The following NAV1 variants were observed in gnomAD, a reference collection of about 807,000 sequenced individuals.
NAV1 encodes pore membrane and/or filament interacting like protein 3.
In NAV1, 18 loss-of-function variants were observed where a neutral mutation model predicts 175.2. The observed-to-expected ratio is 0.10, with a 90% CI of 0.07 to 0.15. The LOEUF is 0.15. NAV1 is among the 10% of genes least tolerant of loss of function. The pLI is 1.00. For missense variants in NAV1, 1,731 were observed against 2,436.6 expected, an observed-to-expected ratio of 0.71 and a Z score of 6.10; for synonymous variants, 897 against 978.7, an observed-to-expected ratio of 0.92 and a Z score of 1.56.
chr1:201,786,417 T>G lies in NAV1; in HGVS notation c.2847-12T>G. ...CTAGTCCCAGACTGAGTTCTTCTGC[T>G]GCTTCCTACAGGTACCAGCTTCAGT... On this transcript the variant is annotated splice_polypyrimidine_tract_variant and intron_variant, in intron 8 of 29. Coordinates refer to ENST00000367296, the Ensembl canonical transcript of NAV1. The G allele has an allele frequency of 6.2e-7, 1 of 1,609,038 alleles. No homozygotes were observed. Among genetic ancestry groups the G allele is most frequent in the Non-Finnish European group, 8.5e-7 (1 of 1,177,212 alleles).
chr1:201,752,687 T>A (rs1431322275), intron 3 of NAV1, among the ~76,000 whole-genome samples: 3 of 151,934 alleles, frequency 2.0e-5, no homozygotes, highest in Non-Finnish European at 4.4e-5. Flanking sequence ...TGTTTAATTG[T>A]CAGGTTTGTT....
chr1:201,665,581 G>GAGCTATAGGTGGGCAGAT (rs373539469), intron 1 of NAV1, among the ~76,000 whole-genome samples: 1 of 143,976 alleles, frequency 6.9e-6, no homozygotes, highest in Non-Finnish European at 1.5e-5. Flanking sequence ...GTGAGGGCAA[G>GAGCTATAGGTGGGCAGAT]AGCACCCCAC....
intron 29 of NAV1, among the ~76,000 whole-genome samples, chr1:201,817,592 CAGAATCTGGGGTTATAA>C (rs2102836410): frequency 6.6e-6 from 1 of 152,236 alleles, no homozygotes; most frequent in East Asian, 1.9e-4. Flanking sequence ...CTCTAAATAT[CAGAATCTGGGGTTATAA>C]AGATCATATG....
chr1:201,663,336 T>C lies in NAV1; in HGVS notation c.757+13911T>C, dbSNP rs1486791830. Among the ~76,000 whole-genome samples, 14 of 152,170 alleles carry C rather than the reference T, an allele frequency of 9.2e-5. 1 individual carries two copies. In the East Asian group the frequency reaches 2.3e-3, roughly 25 times the overall value. ...AGATGTGGAGAAGATTATCAAAGGG[T>C]AGCACCTTATGTTCGAGCCCATGAC... On this transcript the variant is annotated intron_variant, in intron 1 of 29. Transcript: ENST00000367296.
intron 1 of NAV1, among the ~76,000 whole-genome samples, chr1:201,659,986 C>T (rs990109723): frequency 2.6e-5 from 4 of 152,130 alleles, no homozygotes; most frequent in Admixed American, 1.3e-4. Flanking sequence ...CCGTGGAGTC[C>T]AGGTGTCCCT....
At chr1:201,622,400 C>A (rs1032709757), upstream of NAV1, among the ~76,000 whole-genome samples, 9 of 152,114 alleles carry the variant, frequency 5.9e-5, no homozygotes, top group African/African-American at 2.2e-4. Context: ...CAGGGGTCAG[C>A]TGCAGTGATG....
exon 30 of NAV1, chr1:201,823,133 C>T (rs1404872169): frequency 6.5e-6 from 1 of 152,810 alleles, no homozygotes; most frequent in East Asian, 1.9e-4. Context: ...TCTCCAGCCC[C>T]CCAACTCCAT....
rs1485249150 is a variant in NAV1 at position 201,539,547 on chromosome 1, G to GGT, written c.-144+211_-144+212dup. Among the ~76,000 whole-genome samples, 1 of 152,164 alleles carries GGT rather than the reference G, an allele frequency of 6.6e-6. No individual in the cohort carries two copies. Among genetic ancestry groups the GGT allele is most frequent in the East Asian group, 1.9e-4 (1 of 5,166 alleles). On this transcript the variant is annotated intron_variant, in intron 1 of 33. Transcript: ENST00000685211. The surrounding 1 kb of genome is among the most constrained non-coding windows in gnomAD (Gnocchi z 5.6). Reference sequence around the variant, plus strand: ...CAAGATGCTCGCGGCTTCCCGGGAAGGTGTGTGCCCTTTCGACCCCTATGG... The same window carrying GGT: ...CAAGATGCTCGCGGCTTCCCGGGAAGGTGTGTGTGCCCTTTCGACCCCTATGG...
intron 1 of NAV1, among the ~76,000 whole-genome samples, chr1:201,545,950 C>T (rs1665659893): frequency 6.6e-6 from 1 of 152,224 alleles, no homozygotes; most frequent in Non-Finnish European, 1.5e-5. Context: ...TTTCAAGAGT[C>T]AGTTACCAGT....
intron 2 of NAV1, among the ~76,000 whole-genome samples, chr1:201,632,325 C>T (rs1668500344): frequency 6.6e-6 from 1 of 152,252 alleles, no homozygotes; most frequent in South Asian, 2.1e-4. Context: ...CCAGCAGCTG[C>T]TCCTTCTGCC....
intron 1 of NAV1, among the ~76,000 whole-genome samples, chr1:201,558,405 A>C (rs909741450): frequency 1.3e-5 from 2 of 152,230 alleles, no homozygotes; most frequent in African/African-American, 4.8e-5. Context: ...GAACCAAAGA[A>C]CGAACACTGG....
Position 201,718,752 on chromosome 1 carries a change from C to T in NAV1, c.1223C>T (p.Thr408Ile), listed in dbSNP as rs1395594416. The T allele has an allele frequency of 6.2e-7, 1 of 1,605,404 alleles. No individual in the cohort carries two copies. Among genetic ancestry groups the T allele is most frequent in the Admixed American group, 1.7e-5 (1 of 59,814 alleles). Residue 408 changes from threonine to isoleucine, a missense_variant, in exon 3 of 30, where the codon ACC becomes ATC. Around this residue, in one of 13 missense-constraint regions of NAV1, gnomAD observed 487 missense variants for 581.3 expected, o/e 0.84. Coordinates refer to ENST00000367296, the Ensembl canonical transcript of NAV1. This position sits in a 1 kb window ranked among gnomAD's most constrained non-coding sequence, Gnocchi z 4.8. Reference sequence around the variant, plus strand: ...ATGACGGAGGATGATGACATCACTACCGGGTAAGCGCAGGGGCTTCTTGGA... The same window carrying T: ...ATGACGGAGGATGATGACATCACTATCGGGTAAGCGCAGGGGCTTCTTGGA...
intron 1 of NAV1, among the ~76,000 whole-genome samples, chr1:201,679,433 A>AC (rs1257195310): frequency 6.6e-6 from 1 of 151,328 alleles, no homozygotes; most frequent in African/African-American, 2.4e-5. Context: ...TTTGTAGGTA[A>AC]CCTTCTCTGT....
intron 2 of NAV1, among the ~76,000 whole-genome samples, chr1:201,611,465 G>A (rs796631880): frequency 6.6e-6 from 1 of 152,182 alleles, no homozygotes; most frequent in Admixed American, 6.5e-5. Context: ...GGACCTCCTC[G>A]CAATGCCCAG....
intron 2 of NAV1, among the ~76,000 whole-genome samples, chr1:201,717,073 C>T (rs115338295): frequency 1.7e-3 from 259 of 152,302 alleles, no homozygotes; most frequent in African/African-American, 6.0e-3. Context: ...GTTTGGATCC[C>T]TCAAGTTCTG....
intron 3 of NAV1, among the ~76,000 whole-genome samples, chr1:201,747,309 A>G (rs1673834659): frequency 6.6e-6 from 1 of 152,142 alleles, no homozygotes; most frequent in Non-Finnish European, 1.5e-5. Flanking sequence ...ACATTTTCCC[A>G]TGGATTATTT....
chr1:201,558,799 ATCT>A (rs1475449919), intron 1 of NAV1, among the ~76,000 whole-genome samples: 1 of 152,200 alleles, frequency 6.6e-6, no homozygotes, highest in Non-Finnish European at 1.5e-5. Flanking sequence ...ATGAATTTTA[ATCT>A]TCTATGGTTA....
chr1:201,661,344 A>C (rs1348395980), intron 1 of NAV1, among the ~76,000 whole-genome samples: 1 of 152,118 alleles, frequency 6.6e-6, no homozygotes, highest in Non-Finnish European at 1.5e-5. Context: ...CTCACTGTCT[A>C]GTGTAGGAAG....
intron 13 of NAV1, chr1:201,792,141 TAAAC>T (rs2102747466): frequency 6.6e-6 from 1 of 152,124 alleles, no homozygotes; most frequent in East Asian, 1.9e-4. Flanking sequence ...GAGAACAAAC[TAAAC>T]ACCCAGACAC....
Sources: gnomAD v4.1 joint callset for allele counts (sites outside exome capture counted in the v4.1 genomes callset) on GRCh38, gnomAD v4.1.1 for gene constraint, gnomAD v4.1.1 regional missense constraint, Gnocchi (gnomAD v3.1) non-coding constraint, MANE v1.5 for transcripts, NCBI Gene and HGNC (gene_info 2026-07-23, HGNC 2026-07-21) for gene names.